The following SLC5A1 variants were observed in gnomAD, a reference collection of about 807,000 sequenced individuals.
SLC5A1 encodes the protein solute carrier family 5 member 1.
A neutral mutation model predicts 73.5 loss-of-function variants in SLC5A1; 42 were observed. The observed-to-expected ratio is 0.57, with a 90% CI of 0.45 to 0.74. The LOEUF is 0.74. Among genes scored for constraint, SLC5A1 ranks in the 30% least tolerant of loss-of-function variants. The probability of loss-of-function intolerance (pLI) is 0.00; values close to 1 mark genes in which losing one functional copy is unlikely to be tolerated. For synonymous variants in SLC5A1, 300 were observed against 317.4 expected (o/e 0.95, Z 0.58); for missense variants, 634 against 855.4 (o/e 0.74, Z 3.23).
In SLC5A1 at chr22:32,043,501, G is replaced by C; in HGVS notation, c.135+85G>C. 1.4e-6 allele frequency: 2 copies of C among 1,449,086 alleles called. No individual in the cohort carries two copies. Among genetic ancestry groups the C allele is most frequent in the Non-Finnish European group, 1.9e-6 (2 of 1,042,530 alleles). 89.8% of individuals were successfully genotyped at this position (1,449,086 alleles called of 1,614,324 possible). On this transcript the variant is annotated intron_variant, in intron 1 of 14. Transcript: ENST00000266088. This position sits in a 1 kb window ranked among gnomAD's most constrained non-coding sequence, Gnocchi z 6.5. The stretch of plus-strand genomic sequence containing the variant: ...CTCGCTGAGCTGCAAGGGGCAGTAG[G>C]CTTAAGTGTCGGTGGAGGGGAGAGG...
At chr22:32,062,312 C>T (rs2093964426) in intron 2 of SLC5A1, among the ~76,000 whole-genome samples, 1 of 152,190 alleles carries the variant, frequency 6.6e-6, no homozygotes. Flanking sequence ...CCGTACATCT[C>T]CCCTCCCACC....
intron 5 of SLC5A1, 139 bp from the exon 6 acceptor site, chr22:32,081,727 C>G: frequency 1.4e-6 from 1 of 731,816 alleles, no homozygotes; most frequent in South Asian, 1.4e-5. Flanking sequence ...ACCTTTTTGA[C>G]CATGGAATTC....
At chr22:32,097,338 G>T (rs778173938) in intron 11 of SLC5A1, among the ~76,000 whole-genome samples, 5 of 152,220 alleles carry the variant, frequency 3.3e-5, no homozygotes, top group Admixed American at 6.5e-5. Flanking sequence ...TGGTGGGTGG[G>T]ATATGGAAAA....
At chr22:32,065,458 C>T (rs765572323) in intron 2 of SLC5A1, among the ~76,000 whole-genome samples, 6 of 152,092 alleles carry the variant, frequency 3.9e-5, no homozygotes, top group Non-Finnish European at 1.5e-5. Context: ...AGAGAAAGTC[C>T]ATAGAGTCAC....
intron 2 of SLC5A1, among the ~76,000 whole-genome samples, chr22:32,058,082 G>A (rs2093954525): frequency 6.6e-6 from 1 of 151,920 alleles, no homozygotes; most frequent in Non-Finnish European, 1.5e-5. Context: ...TGTTAAATTT[G>A]GATATATATA....
intron 14 of SLC5A1, among the ~76,000 whole-genome samples, chr22:32,108,101 CCATT>C (rs1454389649): frequency 6.6e-6 from 1 of 151,092 alleles, no homozygotes; most frequent in Non-Finnish European, 1.5e-5. Flanking sequence ...TTTCCTAAGG[CCATT>C]CAATTTTTTT....
chr22:32,072,255 C>T (rs1198793257), intron 5 of SLC5A1, among the ~76,000 whole-genome samples: 1 of 152,138 alleles, frequency 6.6e-6, no homozygotes, highest in Non-Finnish European at 1.5e-5. Context: ...TTGTTCCCTT[C>T]CTTGTGTCCA....
At chr22:32,086,083 G>C (rs554525724) in intron 9 of SLC5A1, 137 bp from the exon 10 acceptor site, 22 of 669,248 alleles carry the variant, frequency 3.3e-5, no homozygotes, top group African/African-American at 3.2e-4. Context: ...AGAGCTTGCA[G>C]TGAGCCGAGA....
At chr22:32,082,045 A>G (rs991092960) in intron 6 of SLC5A1, 74 bp downstream of exon 6, 2 of 959,558 alleles carry the variant, frequency 2.1e-6, no homozygotes, top group African/African-American at 3.2e-5. Context: ...AAAGGGAAGT[A>G]GGAGAGGTGG....
intron 5 of SLC5A1, among the ~76,000 whole-genome samples, chr22:32,073,429 C>T (rs2093985820): frequency 6.6e-6 from 1 of 152,208 alleles, no homozygotes; most frequent in African/African-American, 2.4e-5. Flanking sequence ...GTGCTGCCTC[C>T]TTGTGTAGCT....
chr22:32,072,711 G>C (rs2093984603), intron 5 of SLC5A1, among the ~76,000 whole-genome samples: 1 of 152,124 alleles, frequency 6.6e-6, no homozygotes, highest in Non-Finnish European at 1.5e-5. Context: ...TTTTCTTACA[G>C]TTAGTTTGTT....
chr22:32,099,989 G>A (rs1231101391), intron 12 of SLC5A1, among the ~76,000 whole-genome samples: 1 of 152,226 alleles, frequency 6.6e-6, no homozygotes, highest in African/African-American at 2.4e-5. Flanking sequence ...TTTATTAGCA[G>A]GGACTGAAAC....
intron 2 of SLC5A1, among the ~76,000 whole-genome samples, chr22:32,060,848 G>T (rs1603110912): frequency 1.3e-5 from 2 of 152,052 alleles, no homozygotes; most frequent in East Asian, 3.9e-4. Context: ...GGTATTGCAG[G>T]CCTGAGACAC....
intron 10 of SLC5A1, 102 bp from the exon 11 acceptor site, chr22:32,091,510 A>G (rs1216503340): frequency 9.8e-6 from 13 of 1,328,268 alleles, no homozygotes; most frequent in Non-Finnish European, 1.4e-5. Context: ...ATAACATGGC[A>G]TGGTTTCAGA....
At chr22:32,084,344 T>C (rs1254046316) in intron 7 of SLC5A1, 95 bp from the exon 8 acceptor site, 3 of 1,053,490 alleles carry the variant, frequency 2.8e-6, no homozygotes, top group Middle Eastern at 2.2e-4. Flanking sequence ...TGTCTGTGGG[T>C]TGGGTCCTCT....
chr22:32,096,836 T>C (rs543234708), intron 11 of SLC5A1, among the ~76,000 whole-genome samples: 17 of 152,226 alleles, frequency 1.1e-4, no homozygotes, highest in African/African-American at 4.1e-4. Flanking sequence ...AGGAGGGGTA[T>C]AGGCTGCTAC....
intron 10 of SLC5A1, among the ~76,000 whole-genome samples, chr22:32,091,133 T>C (rs2094016531): frequency 1.3e-5 from 2 of 151,016 alleles, no homozygotes; most frequent in Admixed American, 1.3e-4. Context: ...ATTAGACCCT[T>C]ATCAGATACA....
At chr22:32,094,816 AT>A (rs563240057) in intron 11 of SLC5A1, among the ~76,000 whole-genome samples, 20 of 146,188 alleles carry the variant, frequency 1.4e-4, no homozygotes, top group South Asian at 2.2e-4. Flanking sequence ...TATCTTTTGT[AT>A]TTTTTTTTTG....
At chr22:32,097,126 G>A (rs755370319) in intron 11 of SLC5A1, among the ~76,000 whole-genome samples, 20 of 152,346 alleles carry the variant, frequency 1.3e-4, no homozygotes, top group Non-Finnish European at 2.5e-4. Context: ...ACTATGTTGG[G>A]GCTCACATTT....
Sources: allele counts gnomAD v4.1 joint callset (sites outside exome capture counted in the v4.1 genomes callset), GRCh38; gene constraint gnomAD v4.1.1; non-coding constraint Gnocchi (gnomAD v3.1); transcripts MANE v1.5; gene names NCBI Gene and HGNC (gene_info 2026-07-23, HGNC 2026-07-21).